Variants in FBN3 observed in about 807,000 individuals in gnomAD.
FBN3 encodes fibrillin-3.
A neutral mutation model predicts 330.1 loss-of-function variants in FBN3; 234 were observed. That is an observed-to-expected ratio of 0.71 (90% CI 0.64 to 0.79). The LOEUF is 0.79. Among genes scored for constraint, FBN3 ranks in the 30% least tolerant of loss-of-function variants. The pLI is 0.00. For missense variants in FBN3, 3,606 were observed against 3,886.9 expected (o/e 0.93, Z 1.92); for synonymous variants, 1,458 against 1,517.3 (o/e 0.96, Z 0.91).
intron 55 of FBN3, among the ~76,000 whole-genome samples, 160 bp from the exon 56 acceptor site, chr19:8,085,729 G>A (rs981331792): frequency 3.3e-5 from 5 of 152,184 alleles, no homozygotes; most frequent in South Asian, 2.1e-4. Flanking sequence ...GTGGGTCACC[G>A]GCTGGGGTTA....
At position 8,089,902 on chromosome 19, in the gene FBN3, G is replaced by A. The variant is rs2082055296; in HGVS notation, c.6242C>T (p.Ser2081Phe). The A allele has an allele frequency of 6.3e-7, 1 of 1,599,504 alleles. No individual in the cohort carries two copies. The highest frequency in any genetic ancestry group is 2.2e-5 in the East Asian group (1 of 44,542). Residue 2081 changes from serine to phenylalanine, a missense_variant, in exon 50 of 64, where the codon TCC becomes TTC. Coordinates refer to ENST00000600128, the MANE Select transcript of FBN3 (RefSeq NM_032447.5). ...GTGGGTGAGGGGCTCACCTTCTCGG[G>A]AGTCATCCGGGCCTGGGACTGCCCC... ...GHGAVPGPDD[S>F]REDVNECAEN...
At chr19:8,139,120 G>A (rs2336538) in intron 8 of FBN3, among the ~76,000 whole-genome samples, 50,009 of 151,880 alleles carry the variant, frequency 0.33, 9,704 homozygotes, top group Non-Finnish European at 0.45. Flanking sequence ...AGGCTGAGGC[G>A]GGTAGATCAT....
Position 8,111,040 on chromosome 19 carries a change from TG to T in FBN3, c.4210+17del, listed in dbSNP as rs1275425636. 68 of 1,613,088 alleles carry T rather than the reference TG, an allele frequency of 4.2e-5. No homozygotes were observed. The highest frequency in any genetic ancestry group is 5.8e-5 in the Non-Finnish European group (68 of 1,179,486). On this transcript the variant is annotated intron_variant, in intron 33 of 63. Coordinates refer to ENST00000600128, the MANE Select transcript of FBN3 (RefSeq NM_032447.5). ...GACCTACCCACTCTGTCCTCTGCCC[TG>T]GCGGGCCCAACCTTACCCTGGCAGG...
chr19:8,124,019 G>A lies in FBN3; in HGVS notation c.2732-11C>T. 1 of 1,606,354 alleles carries A rather than the reference G, an allele frequency of 6.2e-7. No individual in the cohort carries two copies. The highest frequency in any genetic ancestry group is 1.7e-5 in the Admixed American group (1 of 59,304). ...GTTCCAATCTCACATCTGCACGGGG[G>A]ACAGTCACTGCGTCCCCACCCCTGC... On this transcript the variant is annotated splice_polypyrimidine_tract_variant and intron_variant, in intron 22 of 63. Transcript: ENST00000600128.
At position 8,129,614 on chromosome 19, in the gene FBN3, G is replaced by A. The variant is rs2083079232; in HGVS notation, c.2045-249C>T. Reference sequence around the variant, plus strand: ...CATTTTAGGATGTCGAGCAGCTCCCGTGGCCTCCACCCATGAGATGTCAGT... The same window carrying A: ...CATTTTAGGATGTCGAGCAGCTCCCATGGCCTCCACCCATGAGATGTCAGT... On this transcript the variant is annotated intron_variant, in intron 16 of 63. Coordinates refer to ENST00000600128, the MANE Select transcript of FBN3 (RefSeq NM_032447.5). The surrounding 1 kb of genome is among the most constrained non-coding windows in gnomAD (Gnocchi z 4.5). 6.6e-6 allele frequency among the ~76,000 whole-genome samples: 1 copy of A among 152,100 alleles called. No individual in the cohort carries two copies. The highest frequency in any genetic ancestry group is 1.5e-5 in the Non-Finnish European group (1 of 68,010).
intron 63 of FBN3, among the ~76,000 whole-genome samples, chr19:8,067,793 A>T (rs1188917750): frequency 6.6e-6 from 1 of 152,126 alleles, no homozygotes. Context: ...AAGTGACAAG[A>T]TGTGCTACGA....
At chr19:8,139,599 G>A (rs2083365854) in intron 8 of FBN3, among the ~76,000 whole-genome samples, 1 of 151,934 alleles carries the variant, frequency 6.6e-6, no homozygotes. Context: ...AAGCCTACGA[G>A]ACTGTGAATT....
chr19:8,130,368 G>A (rs189461029), intron 16 of FBN3, among the ~76,000 whole-genome samples: 10 of 148,188 alleles, frequency 6.7e-5, no homozygotes, highest in Admixed American at 2.0e-4. Context: ...AAAATTAGCC[G>A]GGCATGGAGC....
At chr19:8,099,964 A>T (rs1449335524) in intron 41 of FBN3, among the ~76,000 whole-genome samples, 2 of 151,000 alleles carry the variant, frequency 1.3e-5, no homozygotes, top group African/African-American at 4.9e-5. Flanking sequence ...AAGTTGAGAT[A>T]GTGCCATTGC....
chr19:8,123,837 C>T lies in FBN3; in HGVS notation c.2903G>A (p.Arg968Gln), dbSNP rs765358946. 9.3e-6 allele frequency: 15 copies of T among 1,613,194 alleles called. No individual in the cohort carries two copies. Among genetic ancestry groups the T allele is most frequent in the African/African-American group, 5.3e-5 (4 of 74,940 alleles). The change falls in exon 23 of 64, where the codon CGG (arginine) becomes CAG (glutamine). Residue 968 changes from arginine to glutamine, a missense_variant. Coordinates refer to ENST00000600128, the MANE Select transcript of FBN3 (RefSeq NM_032447.5). The stretch of plus-strand genomic sequence containing the variant: ...GTCCCGGCTGGCGAAGCCCAGCCCC[C>T]GCGGGCACAGGCTGGCGAACTCCAG... The part of the protein sequence containing the change: ...ESLEFASLCP[R>Q]GLGFASRDFL...
chr19:8,066,658 A>G (rs922580658), intron 63 of FBN3, among the ~76,000 whole-genome samples: 1 of 152,140 alleles, frequency 6.6e-6, no homozygotes, highest in Non-Finnish European at 1.5e-5. Context: ...AGGCGGGTGG[A>G]TCACAAGGTC....
At chr19:8,148,327 G>A (rs1233620190) in intron 1 of FBN3, among the ~76,000 whole-genome samples, 2 of 152,050 alleles carry the variant, frequency 1.3e-5, no homozygotes, top group African/African-American at 2.4e-5. Context: ...CCCTGGGCAG[G>A]GGGCCCAGGC....
intron 41 of FBN3, among the ~76,000 whole-genome samples, chr19:8,099,871 A>T (rs11260056): frequency 1.3e-5 from 2 of 151,662 alleles, no homozygotes; most frequent in Non-Finnish European, 2.9e-5. Flanking sequence ...TTAGCCAGGC[A>T]TGGTGGCAGG....
At chr19:8,122,601 A>T (rs1176549735) in intron 24 of FBN3, among the ~76,000 whole-genome samples, 1 of 151,450 alleles carries the variant, frequency 6.6e-6, no homozygotes, top group Non-Finnish European at 1.5e-5. Context: ...TCTTGACCTC[A>T]AGTGATCCAT....
At chr19:8,069,411 G>A (rs1265862678) in intron 63 of FBN3, among the ~76,000 whole-genome samples, 1 of 152,112 alleles carries the variant, frequency 6.6e-6, no homozygotes, top group Non-Finnish European at 1.5e-5. Flanking sequence ...CACTGTGTTG[G>A]TTTGGCCTCA....
Position 8,125,921 on chromosome 19 carries a change from A to C in FBN3, c.2702T>G (p.Met901Arg), listed in dbSNP as rs1421885463. The C allele has an allele frequency of 1.2e-6, 2 of 1,613,556 alleles. No individual in the cohort carries two copies. The highest frequency in any genetic ancestry group is 2.7e-5 in the African/African-American group (2 of 75,028). Reference sequence around the variant, plus strand: ...GCACAGCCGGCCTGAGGCGTCCAGCATCAGGCCCTCTGGACACTCACAGCG... The same window carrying C: ...GCACAGCCGGCCTGAGGCGTCCAGCCTCAGGCCCTCTGGACACTCACAGCG... ...SFRCECPEGL[M>R]LDASGRLCVD... Residue 901 changes from methionine to arginine, a missense_variant, in exon 22 of 64, where the codon ATG becomes AGG. By Grantham distance (91) the Met-to-Arg change is moderately conservative. Coordinates refer to ENST00000600128, the MANE Select transcript of FBN3 (RefSeq NM_032447.5).
chr19:8,138,120 C>T (rs1160198578), intron 10 of FBN3, 21 bp downstream of exon 10: 13 of 1,579,546 alleles, frequency 8.2e-6, no homozygotes, highest in Non-Finnish European at 1.1e-5. Context: ...TGGAATGTTC[C>T]TCCCAAGCCC....
In FBN3 at chr19:8,130,567, G is replaced by GGAAA. The variant is rs1387821551; in HGVS notation, c.2044+664_2044+667dup. Among the ~76,000 whole-genome samples the GGAAA allele has an allele frequency of 4.5e-4, 21 of 47,104 alleles. 7 individuals carry two copies. Among genetic ancestry groups the GGAAA allele is most frequent in the South Asian group, 8.6e-4 (1 of 1,166 alleles). 30.9% of individuals were successfully genotyped at this position (47,104 alleles called of 152,430 possible). ...GAAAGAAAGAGAGAGAGAGAGAGAA[G>GGAAA]GAAAGAAAGAAAGAATGAAAGAAAG... On this transcript the variant is annotated intron_variant, in intron 16 of 63. Transcript: ENST00000600128.
chr19:8,126,864 C>T, intron 18 of FBN3, 32 bp from the exon 19 acceptor site: 1 of 1,518,686 alleles, frequency 6.6e-7, no homozygotes, highest in Non-Finnish European at 8.8e-7. Context: ...AGGTCCTGAG[C>T]TGCAGGAGGA....
Sources: gnomAD v4.1 joint callset for allele counts (sites outside exome capture counted in the v4.1 genomes callset) on GRCh38, gnomAD v4.1.1 for gene constraint, Gnocchi (gnomAD v3.1) non-coding constraint, MANE v1.5 for transcripts, NCBI Gene and HGNC (gene_info 2026-07-23, HGNC 2026-07-21) for gene names.